PFKP: variants seen among roughly 807,000 people sequenced by gnomAD.
PFKP encodes the protein ATP-dependent 6-phosphofructokinase, platelet type.
A neutral mutation model predicts 94.3 loss-of-function variants in PFKP; 101 were observed. The ratio of observed to expected loss-of-function variants is 1.07; its 90% CI spans 0.91 to 1.26. The LOEUF (loss-of-function observed/expected upper bound fraction) is 1.26, where lower values mean the gene tolerates loss of function less well. PFKP is among the 50% of genes most tolerant of loss of function. The pLI is 0.00. For missense variants in PFKP, 1,145 were observed against 1,103.3 expected (o/e 1.04, Z -0.53); for synonymous variants, 573 against 432.6 (o/e 1.32, Z -4.03).
At chr10:3,080,483 C>G (rs563941790) in intron 1 of PFKP, among the ~76,000 whole-genome samples, 11 of 135,176 alleles carry the variant, frequency 8.1e-5, no homozygotes, top group East Asian at 2.3e-4. Context: ...CACCACTGCA[C>G]TCCAGCCTGG....
Position 3,107,265 on chromosome 10 carries a change from A to G in PFKP, c.826A>G (p.Ile276Val), listed in dbSNP as rs1313374381. Reference protein sequence around the residue: ...LNIIIVAEGAIDTQNKPITSE... With the variant: ...LNIIIVAEGAVDTQNKPITSE... ...TATTATTATTGTGGCTGAAGGAGCA[A>G]TTGATACCCAAAATAAACCCATCAC... The change falls in exon 8 of 22, where the codon ATT (isoleucine) becomes GTT (valine). Residue 276 changes from isoleucine to valine, a missense_variant. Transcript: ENST00000381125. 4.3e-6 allele frequency: 7 copies of G among 1,612,534 alleles called. No homozygotes were observed. Among genetic ancestry groups the G allele is most frequent in the South Asian group, 1.1e-5 (1 of 91,038 alleles).
Position 3,103,785 on chromosome 10 carries a change from T to C in PFKP, c.461T>C (p.Ile154Thr). Residue 154 changes from isoleucine (I) to threonine (T), a missense_variant, in exon 5 of 22, where the codon ATC becomes ACC. Physicochemically the swap from Ile to Thr is moderately conservative, Grantham distance 89. Transcript: ENST00000381125. ...CTGTTTGCTCCCCGCGCAGGCCAGA[T>C]CGATAAGGAGGCCGTGCAGAAGTAC... ...LLEELARNGQ[I>T]DKEAVQKYAY... 1 of 1,613,840 alleles carries C rather than the reference T, an allele frequency of 6.2e-7. No individual in the cohort carries two copies. The highest frequency in any genetic ancestry group is 1.7e-4 in the Middle Eastern group (1 of 6,060).
chr10:3,127,624 A>G (rs1357351257), intron 16 of PFKP, among the ~76,000 whole-genome samples: 2 of 152,196 alleles, frequency 1.3e-5, no homozygotes, highest in African/African-American at 4.8e-5. Flanking sequence ...TACAGGTGGA[A>G]CAGTGCAACC....
chr10:3,073,196 GGTGCTGA>G (rs1033607723), intron 1 of PFKP, among the ~76,000 whole-genome samples: 14 of 151,828 alleles, frequency 9.2e-5, no homozygotes, highest in African/African-American at 2.9e-4. Flanking sequence ...GGGTCAGCAG[GGTGCTGA>G]GTGCTGAGTG....
intron 16 of PFKP, among the ~76,000 whole-genome samples, chr10:3,121,828 TTTC>T (rs869197907): frequency 0.063 from 1,073 of 17,138 alleles, 78 homozygotes; most frequent in East Asian, 0.2. Flanking sequence ...TTTTTTTTTT[TTTC>T]TTTTTTTGGA....
chr10:3,104,916 T>C, intron 5 of PFKP, 199 bp from the exon 6 acceptor site: 2 of 653,852 alleles, frequency 3.1e-6, no homozygotes, highest in Admixed American at 5.6e-5. Context: ...CGCAGGAGTC[T>C]GGAAGGCTAC....
intron 17 of PFKP, among the ~76,000 whole-genome samples, chr10:3,130,708 T>G (rs1017877274): frequency 1.3e-5 from 2 of 152,098 alleles, no homozygotes; most frequent in Admixed American, 6.6e-5. Flanking sequence ...TACAGGCACG[T>G]GCCACCACGC....
At position 3,136,615 on chromosome 10, in the gene PFKP, G is replaced by A. The variant is rs778100436; in HGVS notation, c.*36G>A. ...CCTGCATGTGCCTGCAGCCACCGTG[G>A]ACTGTCTGTTTTTGTAACACTTAAG... On this transcript the variant is annotated 3_prime_UTR_variant, in exon 22 of 22. Coordinates refer to ENST00000381125, the MANE Select transcript of PFKP (RefSeq NM_002627.5). 1.2e-6 allele frequency: 2 copies of A among 1,605,646 alleles called. No individual in the cohort carries two copies. Among genetic ancestry groups the A allele is most frequent in the Non-Finnish European group, 1.7e-6 (2 of 1,174,126 alleles).
At chr10:3,104,806 CAGCACG>C in intron 5 of PFKP, 1 of 457,482 alleles carries the variant, frequency 2.2e-6, no homozygotes, top group South Asian at 2.6e-5. Context: ...GGAAAGAGCC[CAGCACG>C]GGGCCGGGGA....
chr10:3,111,565 TTGTC>T (rs1342157262), intron 10 of PFKP, among the ~76,000 whole-genome samples: 2 of 152,136 alleles, frequency 1.3e-5, no homozygotes, highest in Non-Finnish European at 2.9e-5. Flanking sequence ...CACCTGCTGT[TTGTC>T]AGGCGTCTTC....
chr10:3,135,979 G>A, intron 21 of PFKP, 141 bp downstream of exon 21: 1 of 622,098 alleles, frequency 1.6e-6, no homozygotes, highest in Non-Finnish European at 2.9e-6. Context: ...AAAATACTAG[G>A]TCTTGGCTGG....
At chr10:3,127,283 G>A (rs990588312) in intron 16 of PFKP, among the ~76,000 whole-genome samples, 5 of 152,274 alleles carry the variant, frequency 3.3e-5, no homozygotes, top group Admixed American at 6.5e-5. Context: ...TGGCTCAGGT[G>A]TCAGGGCTGC....
chr10:3,114,380 C>T (rs1836583736), intron 13 of PFKP, among the ~76,000 whole-genome samples: 1 of 152,176 alleles, frequency 6.6e-6, no homozygotes, highest in African/African-American at 2.4e-5. Flanking sequence ...GACCTCCTGA[C>T]CTCAGGTGAC....
At chr10:3,089,725 TTATG>T (rs1833902192) in intron 2 of PFKP, among the ~76,000 whole-genome samples, 1 of 150,400 alleles carries the variant, frequency 6.6e-6, no homozygotes, top group African/African-American at 2.4e-5. Context: ...ATGTTATACA[TTATG>T]TATAACATTA....
chr10:3,126,105 C>CT (rs540936473), intron 16 of PFKP, among the ~76,000 whole-genome samples: 88 of 152,362 alleles, frequency 5.8e-4, no homozygotes, highest in Admixed American at 3.5e-3. Flanking sequence ...CCCAGTCCTG[C>CT]TGGAGACTCC....
At chr10:3,103,989 G>GT (rs1835293418) in intron 5 of PFKP, 45 bp downstream of exon 5, 1 of 1,574,838 alleles carries the variant, frequency 6.3e-7, no homozygotes, top group African/African-American at 1.3e-5. Flanking sequence ...GGGGCCCGAC[G>GT]TGTGCCCAGC....
At chr10:3,097,003 G>A (rs1386949110) in intron 2 of PFKP, among the ~76,000 whole-genome samples, 5 of 120,412 alleles carry the variant, frequency 4.2e-5, no homozygotes, top group Admixed American at 7.7e-5. Flanking sequence ...GCAGGAACCC[G>A]GGAGGCGGAG....
At chr10:3,096,101 T>C (rs1448881943) in intron 2 of PFKP, among the ~76,000 whole-genome samples, 1 of 152,248 alleles carries the variant, frequency 6.6e-6, no homozygotes, top group Non-Finnish European at 1.5e-5. Flanking sequence ...TTAACATGTT[T>C]GATTAAATCC....
intron 19 of PFKP, among the ~76,000 whole-genome samples, 167 bp downstream of exon 19, chr10:3,133,481 A>AG (rs1293717845): frequency 6.6e-6 from 1 of 152,214 alleles, no homozygotes; most frequent in Non-Finnish European, 1.5e-5. Flanking sequence ...CCCAGGCTGG[A>AG]GTGCAGTGGT....
Sources: gnomAD v4.1 joint callset for allele counts (sites outside exome capture counted in the v4.1 genomes callset) on GRCh38, gnomAD v4.1.1 for gene constraint, MANE v1.5 for transcripts, NCBI Gene and HGNC (gene_info 2026-07-23, HGNC 2026-07-21) for gene names.